PCSK6: variants seen among roughly 807,000 people sequenced by gnomAD.
PCSK6 encodes paired basic amino acid cleaving enzyme 4.
PCSK6 carries 85 observed loss-of-function variants against 123.3 expected under a neutral mutation model. The ratio of observed to expected loss-of-function variants is 0.69; its 90% CI spans 0.58 to 0.83. The LOEUF is 0.83. Among genes scored for constraint, PCSK6 ranks in the 40% least tolerant of loss-of-function variants. The probability of loss-of-function intolerance (pLI) is 0.00; values close to 1 mark genes in which losing one functional copy is unlikely to be tolerated. For synonymous variants in PCSK6, 508 were observed against 516.0 expected (o/e 0.98, Z 0.21); for missense variants, 1,191 against 1,282.3 (o/e 0.93, Z 1.09).
intron 1 of PCSK6, among the ~76,000 whole-genome samples, chr15:101,446,126 C>T (rs1475036735): frequency 1.3e-5 from 2 of 152,254 alleles, no homozygotes; most frequent in Non-Finnish European, 2.9e-5. Context: ...TGTTTGGACA[C>T]TTATGTCCGG....
chr15:101,311,549 G>GAGCCAATT (rs1269220157), intron 20 of PCSK6, among the ~76,000 whole-genome samples: 1 of 152,020 alleles, frequency 6.6e-6, no homozygotes, highest in Non-Finnish European at 1.5e-5. Context: ...ACAGAACTGT[G>GAGCCAATT]AGCCAATTCA....
intron 18 of PCSK6, among the ~76,000 whole-genome samples, chr15:101,320,842 TGC>T (rs1413150332): frequency 6.6e-6 from 1 of 152,212 alleles, no homozygotes; most frequent in African/African-American, 2.4e-5. Flanking sequence ...CGGCTGGCGA[TGC>T]GTCTGGAGTT....
intron 13 of PCSK6, among the ~76,000 whole-genome samples, chr15:101,360,175 G>T (rs763618906): frequency 6.6e-6 from 1 of 152,076 alleles, no homozygotes; most frequent in Non-Finnish European, 1.5e-5. Flanking sequence ...ATGCTGCCCC[G>T]TCGGAGTCAC....
chr15:101,449,417 T>TGTGTATCTGTGCATATACAC (rs1311734429), intron 1 of PCSK6, among the ~76,000 whole-genome samples: 9 of 152,212 alleles, frequency 5.9e-5, no homozygotes, highest in Non-Finnish European at 1.2e-4. Flanking sequence ...CAGGCGTGTG[T>TGTGTATCTGTGCATATACAC]GTGTATCTGT....
chr15:101,446,993 G>T (rs1007779411), intron 1 of PCSK6, among the ~76,000 whole-genome samples: 1 of 152,196 alleles, frequency 6.6e-6, no homozygotes, highest in African/African-American at 2.4e-5. Flanking sequence ...ACCAGTGAGA[G>T]AATCAAAGGT....
intron 5 of PCSK6, among the ~76,000 whole-genome samples, chr15:101,429,769 G>A (rs78772941): frequency 0.025 from 3,818 of 152,314 alleles, 143 homozygotes; most frequent in African/African-American, 0.086. Flanking sequence ...GCCCGGCAGC[G>A]GTGACACCCC....
At chr15:101,366,479 C>T (rs1354051779) in intron 12 of PCSK6, 147 bp from the exon 13 acceptor site, 7 of 655,806 alleles carry the variant, frequency 1.1e-5, no homozygotes, top group Admixed American at 7.0e-5. Context: ...CCAGCCAACC[C>T]GAGGGCAAAG....
intron 13 of PCSK6, chr15:101,364,847 A>C (rs1220648192): frequency 3.5e-6 from 2 of 568,798 alleles, no homozygotes; most frequent in Non-Finnish European, 6.6e-6. Context: ...AAAATAGCCA[A>C]AACAATCTTG....
chr15:101,338,409 G>A (rs1285298518), intron 13 of PCSK6, among the ~76,000 whole-genome samples: 4 of 152,084 alleles, frequency 2.6e-5, no homozygotes, highest in South Asian at 2.1e-4. Flanking sequence ...TCCCCAGGCC[G>A]GCCCCTCCAC....
intron 20 of PCSK6, among the ~76,000 whole-genome samples, chr15:101,312,685 A>G (rs2039893643): frequency 1.3e-5 from 2 of 152,132 alleles, no homozygotes; most frequent in African/African-American, 4.8e-5. Flanking sequence ...ACAAACAATT[A>G]GTGGGGAGTG....
chr15:101,447,940 G>A (rs2056934855), intron 1 of PCSK6, among the ~76,000 whole-genome samples: 1 of 152,252 alleles, frequency 6.6e-6, no homozygotes. Flanking sequence ...GATTATAGAA[G>A]GGAGGCGCTG....
At chr15:101,405,308 C>T (rs2042737568) in intron 6 of PCSK6, among the ~76,000 whole-genome samples, 1 of 152,202 alleles carries the variant, frequency 6.6e-6, no homozygotes, top group South Asian at 2.1e-4. Flanking sequence ...TCCCCATGGT[C>T]AGCTTGCTAA....
rs150704800 is a variant in PCSK6 at position 101,466,877 on chromosome 15, C to T, written c.297+22497G>A. Among the ~76,000 whole-genome samples the T allele has an allele frequency of 6.6e-4, 101 of 152,040 alleles. 1 individual carries two copies. The East Asian group carries it at 0.017, about 25-fold the overall frequency. ...GGTAGATGGGGACTGACTGCTAAGA[C>T]GGGGATAGCATTTCTTTCTGGGGTG... is the stretch of plus-strand genomic sequence containing the variant. On this transcript the variant is annotated intron_variant, in intron 1 of 21. Coordinates refer to ENST00000611716, the MANE Select transcript of PCSK6 (RefSeq NM_002570.5).
chr15:101,376,348 G>C (rs1195681897), intron 11 of PCSK6, among the ~76,000 whole-genome samples: 1 of 152,218 alleles, frequency 6.6e-6, no homozygotes, highest in Non-Finnish European at 1.5e-5. Context: ...TGAGAAAGCA[G>C]AGACCTGCCT....
At chr15:101,394,127 C>T (rs1482819451) in intron 7 of PCSK6, among the ~76,000 whole-genome samples, 1 of 126,878 alleles carries the variant, frequency 7.9e-6, no homozygotes, top group Non-Finnish European at 1.6e-5. Context: ...GGTTTTCTTT[C>T]CGTTTTTTTG....
In PCSK6 at chr15:101,370,943, G is replaced by C. The variant is rs959578564; in HGVS notation, c.1533-420C>G. 2.0e-5 allele frequency among the ~76,000 whole-genome samples: 3 copies of C among 152,074 alleles called. No homozygotes were observed. In the East Asian group the frequency reaches 5.8e-4, roughly 29 times the overall value. ...CCTGTCTGCCTTGCATTGCTGCTGAGTCAATTATTTTGTCTTATACAAAGT... is the reference window on the plus strand; with the variant it reads ...CCTGTCTGCCTTGCATTGCTGCTGACTCAATTATTTTGTCTTATACAAAGT... On this transcript the variant is annotated intron_variant, in intron 11 of 21. Coordinates refer to ENST00000611716, the MANE Select transcript of PCSK6 (RefSeq NM_002570.5).
intron 6 of PCSK6, among the ~76,000 whole-genome samples, chr15:101,400,149 C>T (rs1453213879): frequency 1.3e-5 from 2 of 152,168 alleles, no homozygotes; most frequent in East Asian, 1.9e-4. Context: ...CTCAGCCTCC[C>T]GAGTAGCTAG....
intron 1 of PCSK6, among the ~76,000 whole-genome samples, chr15:101,478,806 A>G (rs913858486): frequency 6.6e-6 from 1 of 152,230 alleles, no homozygotes; most frequent in Admixed American, 6.5e-5. Flanking sequence ...GAGATGTCAA[A>G]GGGTGGAAAG....
intron 6 of PCSK6, among the ~76,000 whole-genome samples, chr15:101,421,667 G>A (rs2056089452): frequency 6.6e-6 from 1 of 152,316 alleles, no homozygotes; most frequent in African/African-American, 2.4e-5. Flanking sequence ...CATCTTGGAA[G>A]TGAATCCTCC....
Sources: gnomAD v4.1 joint callset for allele counts (sites outside exome capture counted in the v4.1 genomes callset) on GRCh38, gnomAD v4.1.1 for gene constraint, MANE v1.5 for transcripts, NCBI Gene and HGNC (gene_info 2026-07-23, HGNC 2026-07-21) for gene names.